Variants in PCNX2 observed in about 807,000 individuals in gnomAD.
The protein encoded by PCNX2 is pecanex-like protein 2.
In PCNX2, 168 loss-of-function variants were observed where a neutral mutation model predicts 223.8. The observed-to-expected ratio is 0.75, with a 90% CI of 0.66 to 0.85. PCNX2 has a LOEUF of 0.85. Ranked by LOEUF, PCNX2 falls within the 40% of genes least tolerant of loss-of-function variation. PCNX2 has a pLI of 0.00. For synonymous variants in PCNX2, 1,006 were observed against 1,052.6 expected, an observed-to-expected ratio of 0.96 and a Z score of 0.86; for missense variants, 2,507 against 2,675.5, an observed-to-expected ratio of 0.94 and a Z score of 1.39.
intron 25 of PCNX2, among the ~76,000 whole-genome samples, chr1:233,036,390 G>A (rs7548247): frequency 0.024 from 3,691 of 152,266 alleles, 163 homozygotes; most frequent in African/African-American, 0.083. Flanking sequence ...CAGCACTTTG[G>A]GAGGCCGAGG....
At chr1:233,325,598 C>T in the PCNX2 span, among the ~76,000 whole-genome samples, 3 of 151,784 alleles carry the variant, frequency 2.0e-5, no homozygotes, top group Non-Finnish European at 4.4e-5. Flanking sequence ...ATGCCGCGAA[C>T]CCAGGAGGCG....
chr1:233,172,048 C>G (rs1679184073), intron 17 of PCNX2, among the ~76,000 whole-genome samples: 1 of 152,126 alleles, frequency 6.6e-6, no homozygotes, highest in African/African-American at 2.4e-5. Context: ...CTATTTGGCT[C>G]TCTTTCAAAC....
intron 20 of PCNX2, among the ~76,000 whole-genome samples, chr1:233,138,691 G>T (rs552245129): frequency 6.6e-6 from 1 of 152,252 alleles, no homozygotes; most frequent in East Asian, 1.9e-4. Flanking sequence ...CTCATCTCTG[G>T]ATTTGAAGTC....
In PCNX2 at chr1:233,126,241, C is replaced by A. The variant is rs1043004773; in HGVS notation, c.3837+8772G>T. On this transcript the variant is annotated intron_variant, in intron 21 of 33. Transcript: ENST00000258229. This position sits in a 1 kb window ranked among gnomAD's most constrained non-coding sequence, Gnocchi z 4.8. ...AAAAAAATTATCTTTTGTCATTAGG[C>A]CAGTTTCATTTGGGTTTCTGTGGTT... 1 of 152,064 alleles carries A rather than the reference C, an allele frequency of 6.6e-6. No homozygotes were observed. The highest frequency in any genetic ancestry group is 6.6e-5 in the Admixed American group (1 of 15,244). 9.4% of individuals were successfully genotyped at this position (152,064 alleles called of 1,614,324 possible).
intron 1 of PCNX2, among the ~76,000 whole-genome samples, chr1:233,272,422 G>A (rs1660688618): frequency 6.6e-6 from 1 of 152,142 alleles, no homozygotes; most frequent in Non-Finnish European, 1.5e-5. Context: ...TCAGGGAGAT[G>A]CAAATCAAAA....
At chr1:233,312,918 GA>G in the PCNX2 span, among the ~76,000 whole-genome samples, 52 of 144,444 alleles carry the variant, frequency 3.6e-4, no homozygotes, top group Non-Finnish European at 4.4e-4. Context: ...GTAACCGAAA[GA>G]AAAAAAAAAG....
chr1:233,205,286 T>C (rs1681375983), intron 13 of PCNX2, among the ~76,000 whole-genome samples: 1 of 152,218 alleles, frequency 6.6e-6, no homozygotes, highest in African/African-American at 2.4e-5. Context: ...ACTTTTTAAG[T>C]CCCTACTTAT....
the PCNX2 span, among the ~76,000 whole-genome samples, chr1:233,323,441 A>G: frequency 2.6e-5 from 4 of 152,194 alleles, no homozygotes; most frequent in Non-Finnish European, 5.9e-5. Context: ...CAGATACTGC[A>G]TTTTTTACAA....
At position 233,258,523 on chromosome 1, in the gene PCNX2, C is replaced by G; in HGVS notation, c.1339G>C (p.Glu447Gln). The change falls in exon 5 of 34, where the codon GAA becomes CAA. Residue 447 changes from glutamate (E) to glutamine (Q), a missense_variant. Glu to Gln is a conservative substitution (Grantham distance 29). Coordinates refer to ENST00000258229, the MANE Select transcript of PCNX2 (RefSeq NM_014801.4). ...GGAGTCCTTTCACTTCCATTGCCTT[C>G]GGGACAGGGAACACCTCCTCCCCCA... Reference protein sequence around the residue: ...EGGGGGVPCPEGNGSERTPER... With the variant: ...EGGGGGVPCPQGNGSERTPER... The G allele has an allele frequency of 1.2e-6, 2 of 1,613,952 alleles. No individual in the cohort carries two copies. The highest frequency in any genetic ancestry group is 2.2e-5 in the East Asian group (1 of 44,872).
At chr1:233,310,201 C>G in the PCNX2 span, among the ~76,000 whole-genome samples, 1 of 151,878 alleles carries the variant, frequency 6.6e-6, no homozygotes, top group South Asian at 2.1e-4. Context: ...AGGCTAATAG[C>G]CAACTAGGAA....
intron 21 of PCNX2, among the ~76,000 whole-genome samples, chr1:233,133,470 G>C (rs1317163116): frequency 6.6e-6 from 1 of 152,104 alleles, no homozygotes. Flanking sequence ...ACAGAAATTG[G>C]GGCAGGCTGC....
At chr1:233,183,506 G>A (rs1679929791) in intron 15 of PCNX2, among the ~76,000 whole-genome samples, 1 of 152,188 alleles carries the variant, frequency 6.6e-6, no homozygotes, top group South Asian at 2.1e-4. Context: ...GCAGTGAAAT[G>A]CTGCGGAAGT....
intron 32 of PCNX2, among the ~76,000 whole-genome samples, chr1:232,997,671 A>G (rs984934621): frequency 2.2e-4 from 34 of 152,226 alleles, no homozygotes; most frequent in African/African-American, 7.2e-4. Flanking sequence ...CTGGTGGAGT[A>G]TAACTATTTG....
intron 25 of PCNX2, among the ~76,000 whole-genome samples, chr1:233,039,287 C>T (rs1283420425): frequency 6.6e-6 from 1 of 152,082 alleles, no homozygotes; most frequent in Admixed American, 6.6e-5. Context: ...AGGGAGTCTA[C>T]GGATAGGCCG....
At chr1:233,007,699 G>C (rs184921758) in intron 28 of PCNX2, among the ~76,000 whole-genome samples, 8 of 151,862 alleles carry the variant, frequency 5.3e-5, no homozygotes, top group African/African-American at 1.9e-4. Context: ...CACCATGCCC[G>C]GCTAATTTTT....
intron 26 of PCNX2, among the ~76,000 whole-genome samples, chr1:233,019,717 G>A (rs4649425): frequency 0.31 from 47,641 of 151,964 alleles, 9,011 homozygotes; most frequent in African/African-American, 0.52. Flanking sequence ...GGGGCGAGGG[G>A]ACAGGGATGG....
chr1:233,249,999 G>A (rs911192777), intron 8 of PCNX2, among the ~76,000 whole-genome samples: 3 of 152,196 alleles, frequency 2.0e-5, no homozygotes, highest in African/African-American at 4.8e-5. Context: ...GTTTAGATGT[G>A]AAGCACAAGA....
At chr1:233,118,445 C>T (rs1164101359) in intron 21 of PCNX2, among the ~76,000 whole-genome samples, 1 of 139,484 alleles carries the variant, frequency 7.2e-6, no homozygotes, top group Non-Finnish European at 1.5e-5. Flanking sequence ...ATGATCCTTA[C>T]CTACAGATAG....
intron 25 of PCNX2, among the ~76,000 whole-genome samples, chr1:233,043,210 A>G (rs1671704679): frequency 6.6e-6 from 1 of 152,196 alleles, no homozygotes; most frequent in Non-Finnish European, 1.5e-5. Context: ...CCATCAGCCT[A>G]GGTCACTTGA....
Sources: allele counts gnomAD v4.1 joint callset (sites outside exome capture counted in the v4.1 genomes callset), GRCh38; gene constraint gnomAD v4.1.1; non-coding constraint Gnocchi (gnomAD v3.1); transcripts MANE v1.5; gene names NCBI Gene and HGNC (gene_info 2026-07-23, HGNC 2026-07-21).